Variants in SPATS2 observed in about 807,000 individuals in gnomAD.
SPATS2 encodes the protein spermatogenesis-associated serine-rich protein 2.
A neutral mutation model predicts 63.7 loss-of-function variants in SPATS2; 38 were observed. The observed-to-expected ratio is 0.60, with a 90% CI of 0.46 to 0.78. The LOEUF (loss-of-function observed/expected upper bound fraction) is 0.78. Ranked by LOEUF, SPATS2 falls within the 30% of genes least tolerant of loss-of-function variation. SPATS2 has a pLI of 0.00. For missense variants in SPATS2, 588 were observed against 666.2 expected (o/e 0.88, Z 1.29); for synonymous variants, 207 against 232.9 (o/e 0.89, Z 1.01).
rs1452249072 is a variant in SPATS2 at position 49,367,538 on chromosome 12, C to T, written c.-356C>T. The T allele has an allele frequency of 2.5e-6, 1 of 397,738 alleles. No individual in the cohort carries two copies. Among genetic ancestry groups the T allele is most frequent in the East Asian group, 3.6e-5 (1 of 28,002 alleles). 24.6% of individuals were successfully genotyped at this position (397,738 alleles called of 1,614,324 possible). A position where few individuals can be genotyped will look rare whatever the true frequency, so the allele number is the denominator to read the frequency against. ...TTCTCAGACCCGGGAGCGTCCGGGACGCGGAGCCCGGAGCTGGGGCGACGA... is the reference window on the plus strand; with the variant it reads ...TTCTCAGACCCGGGAGCGTCCGGGATGCGGAGCCCGGAGCTGGGGCGACGA... On this transcript the variant is annotated 5_prime_UTR_variant, in exon 1 of 14. In the 5' UTR this introduces an upstream ATG that the reference lacks. Transcript: ENST00000552918.
chr12:49,495,199 A>C (rs750271829), intron 7 of SPATS2, among the ~76,000 whole-genome samples, 197 bp downstream of exon 7: 4 of 151,958 alleles, frequency 2.6e-5, no homozygotes, highest in Non-Finnish European at 5.9e-5. Flanking sequence ...AAAAAATACA[A>C]TTCTTTTTTT....
intron 2 of SPATS2, among the ~76,000 whole-genome samples, chr12:49,404,866 A>T (rs1035921086): frequency 1.3e-5 from 2 of 152,184 alleles, no homozygotes; most frequent in African/African-American, 4.8e-5. Flanking sequence ...AATGGTTCTT[A>T]TACTTTTAAG....
intron 2 of SPATS2, among the ~76,000 whole-genome samples, chr12:49,402,735 G>T (rs1248434740): frequency 6.6e-6 from 1 of 152,132 alleles, no homozygotes; most frequent in Non-Finnish European, 1.5e-5. Flanking sequence ...GAAGAAGGGG[G>T]TAGTGGTGGT....
chr12:49,517,233 CT>C (rs955165888), intron 10 of SPATS2, among the ~76,000 whole-genome samples: 12 of 152,112 alleles, frequency 7.9e-5, no homozygotes, highest in Non-Finnish European at 1.3e-4. Context: ...AACTGTTGGG[CT>C]TTGGCGTTAA....
In SPATS2 at chr12:49,376,092, A is replaced by ATT. The variant is rs749954777; in HGVS notation, c.-244+4828_-244+4829dup. ...GGCATGAACCACTGCACCTGGCCTG[A>ATT]TTTTTTTTTTTTTTTTTTTTTTTTT... On this transcript the variant is annotated intron_variant, in intron 2 of 13. Transcript: ENST00000552918. 3.9e-3 allele frequency among the ~76,000 whole-genome samples: 317 copies of ATT among 81,076 alleles called. 5 individuals carry two copies. Among genetic ancestry groups the ATT allele is most frequent in the Non-Finnish European group, 5.0e-3 (223 of 44,852 alleles). 53.2% of individuals were successfully genotyped at this position (81,076 alleles called of 152,430 possible). A position where few individuals can be genotyped will look rare whatever the true frequency, so the allele number is the denominator to read the frequency against.
intron 2 of SPATS2, among the ~76,000 whole-genome samples, chr12:49,397,281 T>C (rs1187438911): frequency 2.6e-5 from 4 of 152,214 alleles, no homozygotes; most frequent in African/African-American, 9.6e-5. Context: ...ATGGCATGTA[T>C]CATAGTTTTT....
At position 49,460,876 on chromosome 12, in the gene SPATS2, C is replaced by A; in HGVS notation, c.-137C>A. ...AACAGCTAGTGAGCAGAATTTCGAA[C>A]AGCAGGATTTCGTATTTTTTGCTTC... On this transcript the variant is annotated 5_prime_UTR_variant, in exon 3 of 14. Transcript: ENST00000552918. 1.2e-6 allele frequency: 1 copy of A among 827,326 alleles called. No homozygotes were observed. The highest frequency in any genetic ancestry group is 1.7e-5 in the African/African-American group (1 of 57,510). The allele number at this position is 827,326 out of a possible 1,614,324, so 51.2% of individuals were successfully genotyped here.
Position 49,496,907 on chromosome 12 carries a change from CA to C in SPATS2, c.603del (p.Gln201HisfsTer34), listed in dbSNP as rs759291479. The part of the protein sequence containing the change: ...LTMHSIHNSQ[Q>X]PRNAAKSLSR... ...TATGCACTCTATTCACAATTCTCAA[CA>C]ACCCAGGAATGCTGCCAAATCTCTC... On this transcript the variant is annotated frameshift_variant, in exon 8 of 14. Transcript: ENST00000552918. LOFTEE classifies it high-confidence loss of function. 6.2e-7 allele frequency: 1 copy of C among 1,613,804 alleles called. No homozygotes were observed. The highest frequency in any genetic ancestry group is 1.1e-5 in the South Asian group (1 of 90,980).
rs910190218 is a variant in SPATS2, at chr12:49,527,080, A to C, written c.*825A>C. The stretch of plus-strand genomic sequence containing the variant: ...TGTCTGTACTAAAAATACAAAAATT[A>C]GCTGAGCATGGTGGCGTGTGCCTGT... On this transcript the variant is annotated 3_prime_UTR_variant, in exon 14 of 14. Coordinates refer to ENST00000552918, the MANE Select transcript of SPATS2 (RefSeq NM_023071.4). 3 of 152,100 alleles carry C rather than the reference A, an allele frequency of 2.0e-5. No homozygotes were observed. Among genetic ancestry groups the C allele is most frequent in the African/African-American group, 7.2e-5 (3 of 41,384 alleles). 9.4% of individuals were successfully genotyped at this position (152,100 alleles called of 1,614,324 possible). A position where few individuals can be genotyped will look rare whatever the true frequency, so the allele number is the denominator to read the frequency against.
intron 6 of SPATS2, among the ~76,000 whole-genome samples, chr12:49,491,939 CT>C (rs1946389698): frequency 6.6e-6 from 1 of 152,120 alleles, no homozygotes; most frequent in South Asian, 2.1e-4. Context: ...TTGGGGTGTT[CT>C]TTTCTTTATT....
chr12:49,437,612 C>T (rs1184876161), intron 2 of SPATS2, among the ~76,000 whole-genome samples: 5 of 151,054 alleles, frequency 3.3e-5, no homozygotes, highest in African/African-American at 9.7e-5. Flanking sequence ...GGATCACTCG[C>T]GGTTAGGAGC....
chr12:49,483,834 C>T (rs968260824), intron 3 of SPATS2, among the ~76,000 whole-genome samples: 2 of 152,160 alleles, frequency 1.3e-5, no homozygotes, highest in African/African-American at 4.8e-5. Context: ...TACATTTTAG[C>T]ATAAGATTCC....
chr12:49,455,478 G>A (rs1945703595), intron 2 of SPATS2, among the ~76,000 whole-genome samples: 1 of 152,178 alleles, frequency 6.6e-6, no homozygotes, highest in Non-Finnish European at 1.5e-5. Flanking sequence ...CACAGTCATG[G>A]CCCTCTGCAG....
chr12:49,455,603 G>T (rs1249016607), intron 2 of SPATS2, among the ~76,000 whole-genome samples: 1 of 152,034 alleles, frequency 6.6e-6, no homozygotes, highest in African/African-American at 2.4e-5. Flanking sequence ...TGTCAAGGTA[G>T]GATCTTACTC....
intron 8 of SPATS2, among the ~76,000 whole-genome samples, chr12:49,497,757 G>C (rs764924228): frequency 2.5e-4 from 38 of 151,948 alleles, no homozygotes; most frequent in Non-Finnish European, 4.7e-4. Flanking sequence ...TACTGAGCTA[G>C]AGTCCTCTGA....
At chr12:49,510,077 T>C in intron 9 of SPATS2, among the ~76,000 whole-genome samples, 1 of 150,164 alleles carries the variant, frequency 6.7e-6, no homozygotes, top group East Asian at 1.9e-4. Flanking sequence ...GACAACATAG[T>C]GAGACCCCCG....
chr12:49,389,604 T>C, intron 2 of SPATS2: 1 of 1,108,108 alleles, frequency 9.0e-7, no homozygotes, highest in South Asian at 1.2e-5. Context: ...GAAACTCTGA[T>C]TGAGCAAACC....
chr12:49,473,198 T>G (rs1946067569), intron 3 of SPATS2, among the ~76,000 whole-genome samples: 1 of 152,102 alleles, frequency 6.6e-6, no homozygotes, highest in Admixed American at 6.6e-5. Flanking sequence ...GCAAATCACC[T>G]GAGTTCAGGA....
chr12:49,475,396 T>G (rs1946100675), intron 3 of SPATS2, among the ~76,000 whole-genome samples: 1 of 152,200 alleles, frequency 6.6e-6, no homozygotes, highest in Non-Finnish European at 1.5e-5. Flanking sequence ...AAATTACAAT[T>G]GAATTTCTTT....
Sources: gnomAD v4.1 joint callset for allele counts (sites outside exome capture counted in the v4.1 genomes callset) on GRCh38, gnomAD v4.1.1 for gene constraint, MANE v1.5 for transcripts, NCBI Gene and HGNC (gene_info 2026-07-23, HGNC 2026-07-21) for gene names.